Variants in TLR9 observed in about 807,000 individuals in gnomAD.
TLR9 encodes the protein toll like receptor 9, also known as toll-like receptor 9.
A neutral mutation model predicts 24.6 loss-of-function variants in TLR9; 19 were observed. The observed-to-expected ratio is 0.77, with a 90% CI of 0.54 to 1.13. The LOEUF is 1.13. TLR9 is among the 50% of genes most tolerant of loss of function. The pLI is 0.00. For missense variants in TLR9, 1,065 were observed against 1,379.6 expected, an observed-to-expected ratio of 0.77 and a Z score of 3.61; for synonymous variants, 579 against 609.8, an observed-to-expected ratio of 0.95 and a Z score of 0.74.
chr3:52,223,757 C>T lies in TLR9; in HGVS notation c.559G>A (p.Ala187Thr). 6.4e-7 allele frequency: 1 copy of T among 1,568,748 alleles called. No homozygotes were observed. The highest frequency in any genetic ancestry group is 8.6e-7 in the Non-Finnish European group (1 of 1,156,292). Residue 187 changes from alanine (A) to threonine (T), a missense_variant, in exon 2 of 2, where the codon GCA becomes ACA. Transcript: ENST00000360658. ...AGGGCACCCGGGGCCACCTCCAGTG[C>T]CTGCCTGCAGGGGTTCTTGTAATAA... Reference protein sequence around the residue: ...NCYYKNPCRQALEVAPGALLG... With the variant: ...NCYYKNPCRQTLEVAPGALLG...
rs201639851 is a variant in TLR9 at position 52,221,976 on chromosome 3, G to A, written c.2340C>T (p.Ala780=). Residue 780 remains alanine (A), a synonymous_variant, in exon 2 of 2, where the codon GCC becomes GCT. Coordinates refer to ENST00000360658, the MANE Select transcript of TLR9 (RefSeq NM_017442.4). The surrounding 1 kb of genome is among the most constrained non-coding windows in gnomAD (Gnocchi z 9.9). ...FMDFLLEVQA[A]VPGLPSRVKC... ...TCACCCGGCTGGGCAGACCGGGCAC[G>A]GCAGCCTGCACCTCCAGCAGGAAGT... 3.9e-5 allele frequency: 63 copies of A among 1,608,618 alleles called. No individual in the cohort carries two copies. The highest frequency in any genetic ancestry group is 3.0e-4 in the Admixed American group (18 of 59,504).
Position 52,225,515 on chromosome 3 carries a change from C to G in TLR9, c.3+12G>C. ...ATCCCCTTCCCCAGGGGACTGAGAG[C>G]TGTTGTCCTACCATGCTGGGGGGCA... On this transcript the variant is annotated intron_variant, in intron 1 of 1. Coordinates refer to ENST00000360658, the MANE Select transcript of TLR9 (RefSeq NM_017442.4). The G allele has an allele frequency of 6.3e-7, 1 of 1,591,502 alleles. No individual in the cohort carries two copies. The highest frequency in any genetic ancestry group is 8.5e-7 in the Non-Finnish European group (1 of 1,172,648).
chr3:52,225,107 A>G (rs1404925967), intron 1 of TLR9, among the ~76,000 whole-genome samples: 2 of 152,218 alleles, frequency 1.3e-5, no homozygotes, highest in Non-Finnish European at 2.9e-5. Flanking sequence ...CAGTTTGGGA[A>G]GCCGAAGTGG....
At position 52,223,565 on chromosome 3, in the gene TLR9, C is replaced by T. The variant is rs1287019916; in HGVS notation, c.751G>A (p.Val251Met). The change falls in exon 2 of 2, where the codon GTG (valine) becomes ATG (methionine). Residue 251 changes from valine (V) to methionine (M), a missense_variant. Val to Met is a conservative substitution (Grantham distance 21, BLOSUM62 1). Transcript: ENST00000360658. ...ANLTALRVLD[V>M]GGNCRRCDHA... ...TCGCAGCGGCGGCAATTTCCGCCCA[C>T]ATCGAGCACACGCAGGGCGGTCAGA... 6.5e-7 allele frequency: 1 copy of T among 1,535,308 alleles called. No homozygotes were observed. The highest frequency in any genetic ancestry group is 8.8e-7 in the Non-Finnish European group (1 of 1,140,572).
intron 1 of TLR9, among the ~76,000 whole-genome samples, 191 bp downstream of exon 1, chr3:52,225,336 T>C (rs993044336): frequency 7.2e-6 from 1 of 139,192 alleles, no homozygotes; most frequent in East Asian, 2.1e-4. Flanking sequence ...AGAGCGAAAC[T>C]CCGTCTCAAA....
Position 52,223,365 on chromosome 3 carries a change from C to T in TLR9, c.951G>A (p.Glu317=). The change falls in exon 2 of 2, where the codon GAG becomes GAA. Residue 317 remains glutamate (E), a synonymous_variant. Transcript: ENST00000360658. ...LGNLRVLDLS[E]NFLYKCITKT... The stretch of plus-strand genomic sequence containing the variant: ...TAGTGATGCATTTGTAGAGGAAGTT[C>T]TCACTCAGGTCCAGCACTCGGAGGT... 6.2e-7 allele frequency: 1 copy of T among 1,614,246 alleles called. No homozygotes were observed. Among genetic ancestry groups the T allele is most frequent in the Non-Finnish European group, 8.5e-7 (1 of 1,180,044 alleles).
chr3:52,221,601 G>A lies in TLR9; in HGVS notation c.2715C>T (p.Arg905=), dbSNP rs201177105. The change falls in exon 2 of 2, where the codon CGC becomes CGT. Residue 905 remains arginine, a synonymous_variant. Coordinates refer to ENST00000360658, the MANE Select transcript of TLR9 (RefSeq NM_017442.4). This position sits in a 1 kb window ranked among gnomAD's most constrained non-coding sequence, Gnocchi z 9.9. ...GCCAGTCGCGTTCCTCCAGGCACAG[G>A]CGGAGTGCCCAGCGCCCACGGCACT... ...LEECRGRWAL[R]LCLEERDWLP... 1.9e-6 allele frequency: 3 copies of A among 1,613,384 alleles called. No homozygotes were observed. Among genetic ancestry groups the A allele is most frequent in the Non-Finnish European group, 2.5e-6 (3 of 1,179,888 alleles).
rs754902076 is a variant in TLR9 at position 52,222,876 on chromosome 3, T to C, written c.1440A>G (p.Ser480=). ...GCTGCACGGTCACCAGGTTGTTCCG[T>C]GACAGATCCAAGGTGAAGTTGAGGG... is the stretch of plus-strand genomic sequence containing the variant. ...CSTLNFTLDL[S]RNNLVTVQPE... is the part of the protein sequence containing the mutation. Residue 480 remains serine (S), a synonymous_variant, in exon 2 of 2, where the codon TCA becomes TCG. Transcript: ENST00000360658. The C allele has an allele frequency of 6.2e-7, 1 of 1,608,638 alleles. No individual in the cohort carries two copies. Among genetic ancestry groups the C allele is most frequent in the Non-Finnish European group, 8.5e-7 (1 of 1,175,620 alleles).
At position 52,222,510 on chromosome 3, in the gene TLR9, G is replaced by A. The variant is rs1259058368; in HGVS notation, c.1806C>T (p.Ala602=). 6.2e-6 allele frequency: 10 copies of A among 1,614,228 alleles called. No individual in the cohort carries two copies. Among genetic ancestry groups the A allele is most frequent in the Non-Finnish European group, 8.5e-6 (10 of 1,180,042 alleles). ...SQQLCSTSLR[A]LDFSGNALGH... ...CCAGTGCATTGCCGCTGAAGTCCAG[G>A]GCCCGCAGCGACGTACTGCAGAGCT... Residue 602 remains alanine (A), a synonymous_variant, in exon 2 of 2, where the codon GCC becomes GCT. Coordinates refer to ENST00000360658, the MANE Select transcript of TLR9 (RefSeq NM_017442.4).
Position 52,221,729 on chromosome 3 carries a change from G to T in TLR9, c.2587C>A (p.Arg863=), listed in dbSNP as rs772094857. ...TCGTAGGGCAGGGCATCCTCATCTC[G>T]CCCACTTTGCCGCCCCCGCCAGGGA... ...WLPWRGRQSG[R]DEDALPYDAF... is the part of the protein sequence containing the mutation. Residue 863 remains arginine, a synonymous_variant, in exon 2 of 2, where the codon CGA becomes AGA. Coordinates refer to ENST00000360658, the MANE Select transcript of TLR9 (RefSeq NM_017442.4). This position sits in a 1 kb window ranked among gnomAD's most constrained non-coding sequence, Gnocchi z 9.9. 9.3e-6 allele frequency: 15 copies of T among 1,613,744 alleles called. No individual in the cohort carries two copies. The highest frequency in any genetic ancestry group is 8.9e-5 in the East Asian group (4 of 44,882).
rs148993494 is a variant in TLR9 at position 52,221,680 on chromosome 3, G to C, written c.2636C>G (p.Thr879Arg). Reference protein sequence around the residue: ...PYDAFVVFDKTQSAVADWVYN... With the variant: ...PYDAFVVFDKRQSAVADWVYN... ...CACCCAGTCTGCCACTGCGCTCTGC[G>C]TTTTGTCGAAGACCACGAAGGCATC... The change falls in exon 2 of 2, where the codon ACG (threonine) becomes AGG (arginine). Residue 879 changes from threonine to arginine, a missense_variant. Transcript: ENST00000360658. The surrounding 1 kb of genome is among the most constrained non-coding windows in gnomAD (Gnocchi z 9.9). 6.2e-7 allele frequency: 1 copy of C among 1,613,972 alleles called. No individual in the cohort carries two copies. The highest frequency in any genetic ancestry group is 8.5e-7 in the Non-Finnish European group (1 of 1,180,026).
At position 52,222,514 on chromosome 3, in the gene TLR9, C is replaced by T. The variant is rs199788447; in HGVS notation, c.1802G>A (p.Arg601Gln). 3.7e-5 allele frequency: 59 copies of T among 1,614,078 alleles called. No individual in the cohort carries two copies. Among genetic ancestry groups the T allele is most frequent in the Admixed American group, 1.0e-4 (6 of 60,004 alleles). ...TGCATTGCCGCTGAAGTCCAGGGCC[C>T]GCAGCGACGTACTGCAGAGCTGCTG... The part of the protein sequence containing the change: ...VSQQLCSTSL[R>Q]ALDFSGNALG... The change falls in exon 2 of 2, where the codon CGG becomes CAG. Residue 601 changes from arginine to glutamine, a missense_variant. By Grantham distance (43) the Arg-to-Gln change is conservative. Coordinates refer to ENST00000360658, the MANE Select transcript of TLR9 (RefSeq NM_017442.4).
At chr3:52,225,403 G>T in intron 1 of TLR9, 124 bp downstream of exon 1, 1 of 1,198,372 alleles carries the variant, frequency 8.3e-7, no homozygotes, top group Non-Finnish European at 1.2e-6. Context: ...AGGATTCAGT[G>T]AGTGTCCCCA....
In TLR9 at chr3:52,223,256, G is replaced by A. The variant is rs370673808; in HGVS notation, c.1060C>T (p.Leu354=). Residue 354 remains leucine, a synonymous_variant, in exon 2 of 2, where the codon CTG becomes TTG. Coordinates refer to ENST00000360658, the MANE Select transcript of TLR9 (RefSeq NM_017442.4). The part of the protein sequence containing the change: ...NYQKRVSFAH[L]SLAPSFGSLV... ...CTCCCGAAGGAAGGGGCCAGAGACA[G>A]GTGGGCAAAGGACACCCTCTTTTGG... is the stretch of plus-strand genomic sequence containing the variant. 5.0e-6 allele frequency: 8 copies of A among 1,614,116 alleles called. No individual in the cohort carries two copies. The African/African-American group carries it at 1.1e-4, about 22-fold the overall frequency.
chr3:52,222,753 G>T lies in TLR9; in HGVS notation c.1563C>A (p.Thr521=). 3.7e-6 allele frequency: 6 copies of T among 1,614,018 alleles called. No individual in the cohort carries two copies. The highest frequency in any genetic ancestry group is 5.1e-6 in the Non-Finnish European group (6 of 1,180,048). Residue 521 remains threonine, a synonymous_variant, in exon 2 of 2, where the codon ACC becomes ACA. Transcript: ENST00000360658. The part of the protein sequence containing the change: ...AVNGSQFLPL[T]GLQVLDLSHN... ...GGGACAGGTCTAGCACCTGCAGACC[G>T]GTCAGCGGCAGGAACTGGGAGCCAT...
rs779370117 is a variant in TLR9 at position 52,222,030 on chromosome 3, C to A, written c.2286G>T (p.Leu762=). ...TAAAGGCCGCCCCACAGGCGCAGTG[C>A]AGAGGGTTGGCGCTTACATCTAGTA... is the stretch of plus-strand genomic sequence containing the variant. ...LQILDVSANP[L]HCACGAAFMD... is the part of the protein sequence containing the mutation. The change falls in exon 2 of 2, where the codon CTG becomes CTT. Residue 762 remains leucine, a synonymous_variant. Coordinates refer to ENST00000360658, the MANE Select transcript of TLR9 (RefSeq NM_017442.4). 1.2e-6 allele frequency: 2 copies of A among 1,611,862 alleles called. No homozygotes were observed. Among genetic ancestry groups the A allele is most frequent in the Non-Finnish European group, 1.7e-6 (2 of 1,178,974 alleles).
rs201649020 is a variant in TLR9, at chr3:52,222,838, G to A, written c.1478C>T (p.Ala493Val). ...CAGGCACTGCAGGTGCGAGAGCTGG[G>A]CAAACATCTCCGGCTGCACGGTCAC... ...NLVTVQPEMF[A>V]QLSHLQCLRL... Residue 493 changes from alanine (A) to valine (V), a missense_variant, in exon 2 of 2, where the codon GCC becomes GTC. Transcript: ENST00000360658. The A allele has an allele frequency of 6.2e-7, 1 of 1,613,270 alleles. No homozygotes were observed. The highest frequency in any genetic ancestry group is 8.5e-7 in the Non-Finnish European group (1 of 1,179,260).
In TLR9 at chr3:52,224,622, C is replaced by T. The variant is rs574740117; in HGVS notation, c.4-310G>A. ...CCAGGCCAGGCAAGGTGGCCCACGG[C>T]CCCCCCTGGTCTCTCCCCGACTTTC... On this transcript the variant is annotated intron_variant, in intron 1 of 1. Transcript: ENST00000360658. Among the ~76,000 whole-genome samples the T allele has an allele frequency of 5.3e-5, 8 of 152,242 alleles. No homozygotes were observed. The South Asian group carries it at 1.7e-3, about 32-fold the overall frequency.
chr3:52,222,641 A>G lies in TLR9; in HGVS notation c.1675T>C (p.Phe559Leu), dbSNP rs745714862. 6.2e-7 allele frequency: 1 copy of G among 1,613,940 alleles called. No homozygotes were observed. The highest frequency in any genetic ancestry group is 1.3e-5 in the African/African-American group (1 of 75,070). Residue 559 changes from phenylalanine to leucine, a missense_variant, in exon 2 of 2, where the codon TTT (phenylalanine) becomes CTT (leucine). Coordinates refer to ENST00000360658, the MANE Select transcript of TLR9 (RefSeq NM_017442.4). The stretch of plus-strand genomic sequence containing the variant: ...TTGTGGCCCACGCCCTGCATGCCAA[A>G]GGGCTGGCTGTTGTAGCTGAGGTCC... ...ALDLSYNSQP[F>L]GMQGVGHNFS... is the part of the protein sequence containing the mutation.
Sources: allele counts gnomAD v4.1 joint callset (sites outside exome capture counted in the v4.1 genomes callset), GRCh38; gene constraint gnomAD v4.1.1; non-coding constraint Gnocchi (gnomAD v3.1); transcripts MANE v1.5; gene names NCBI Gene and HGNC (gene_info 2026-07-23, HGNC 2026-07-21).